ZNF217: variants seen among roughly 807,000 people sequenced by gnomAD.
ZNF217 encodes zinc finger protein 217.
A neutral mutation model predicts 73.3 loss-of-function variants in ZNF217; 12 were observed. The observed-to-expected ratio is 0.16, with a 90% CI of 0.10 to 0.27. ZNF217 has a LOEUF of 0.27. Ranked by LOEUF, ZNF217 falls within the 10% of genes least tolerant of loss-of-function variation. ZNF217 has a pLI of 1.00. For synonymous variants in ZNF217, 588 were observed against 516.4 expected, an observed-to-expected ratio of 1.14 and a Z score of -1.88; for missense variants, 1,195 against 1,327.8, an observed-to-expected ratio of 0.90 and a Z score of 1.55.
chr20:53,582,003 G>A lies in ZNF217; in HGVS notation c.824C>T (p.Ser275Phe). 6.2e-7 allele frequency: 1 copy of A among 1,614,228 alleles called. No homozygotes were observed. The highest frequency in any genetic ancestry group is 1.1e-5 in the South Asian group (1 of 91,088). ...FLQLFNLRPK[S>F]HPETGKKPVR... ...AGGCTTCTTCCCCGTTTCAGGGTGA[G>A]ATTTTGGTCTCAAGTTGAACAACTG... Residue 275 changes from serine to phenylalanine, a missense_variant, in exon 2 of 6, where the codon TCT (serine) becomes TTT (phenylalanine). Physicochemically the swap from Ser to Phe is radical, Grantham distance 155. Around this residue, in one of 9 missense-constraint regions of ZNF217, gnomAD observed 126 missense variants for 114.4 expected, o/e 1.10. Transcript: ENST00000371471. The surrounding 1 kb of genome is among the most constrained non-coding windows in gnomAD (Gnocchi z 4.8).
At chr20:53,587,383 C>T (rs1413531629) in intron 1 of ZNF217, among the ~76,000 whole-genome samples, 1 of 152,214 alleles carries the variant, frequency 6.6e-6, no homozygotes, top group Non-Finnish European at 1.5e-5. Flanking sequence ...TTAAGTACAA[C>T]TAACTAGGTA....
At chr20:53,592,671 G>A (rs1353020213) in intron 1 of ZNF217, among the ~76,000 whole-genome samples, 3 of 151,734 alleles carry the variant, frequency 2.0e-5, no homozygotes, top group Non-Finnish European at 4.4e-5. Context: ...CCTCGGGCGG[G>A]ACCGCCCAGG....
At chr20:53,593,390 C>A (rs1004354583) in intron 1 of ZNF217, among the ~76,000 whole-genome samples, 6 of 152,080 alleles carry the variant, frequency 3.9e-5, no homozygotes, top group Admixed American at 3.3e-4. Context: ...AATTGGGAGA[C>A]CCGCCCCGCG....
In ZNF217 at chr20:53,582,440, G is replaced by A. The variant is rs35267451; in HGVS notation, c.387C>T (p.Ser129=). ...KEKNCKENEF[S]CEVCGQTFRV... is the part of the protein sequence containing the mutation. Reference sequence around the variant, plus strand: ...TAAATGTCTGCCCACATACCTCACAGCTAAATTCATTTTCCTTGCAATTCT... The same window carrying A: ...TAAATGTCTGCCCACATACCTCACAACTAAATTCATTTTCCTTGCAATTCT... Residue 129 remains serine, a synonymous_variant, in exon 2 of 6, where the codon AGC becomes AGT. Transcript: ENST00000371471. This position sits in a 1 kb window ranked among gnomAD's most constrained non-coding sequence, Gnocchi z 4.8. The A allele has an allele frequency of 8.8e-3, 14,258 of 1,614,178 alleles. 95 individuals are homozygous for A. Among genetic ancestry groups the A allele is most frequent in the Middle Eastern group, 0.014 (86 of 6,062 alleles).
chr20:53,594,949 A>C (rs913926539), upstream of ZNF217, among the ~76,000 whole-genome samples: 19 of 147,318 alleles, frequency 1.3e-4, no homozygotes, highest in Admixed American at 1.3e-3. Flanking sequence ...GGCTTGCGCT[A>C]TTCTAACTTG....
chr20:53,581,801 T>A lies in ZNF217; in HGVS notation c.1026A>T (p.Ala342=), dbSNP rs16998248. The A allele has an allele frequency of 0.067, 108,167 of 1,614,198 alleles. 7,763 individuals carry two copies. Among genetic ancestry groups the A allele is most frequent in the East Asian group, 0.34 (15,084 of 44,874 alleles). ...ELGETNKGSC[A]GLSQEKEKCK... Reference sequence around the variant, plus strand: ...ACTTCTCTTTCTCTTGCGAGAGGCCTGCACAACTGCCCTTATTTGTTTCTC... The same window carrying A: ...ACTTCTCTTTCTCTTGCGAGAGGCCAGCACAACTGCCCTTATTTGTTTCTC... The change falls in exon 2 of 6, where the codon GCA becomes GCT. Residue 342 remains alanine, a synonymous_variant. Coordinates refer to ENST00000371471, the MANE Select transcript of ZNF217 (RefSeq NM_006526.3). This position sits in a 1 kb window ranked among gnomAD's most constrained non-coding sequence, Gnocchi z 4.9.
Position 53,581,839 on chromosome 20 carries a change from C to T in ZNF217, c.988G>A (p.Glu330Lys). 1.2e-6 allele frequency: 2 copies of T among 1,614,244 alleles called. No individual in the cohort carries two copies. The highest frequency in any genetic ancestry group is 1.7e-6 in the Non-Finnish European group (2 of 1,180,042). The change falls in exon 2 of 6, where the codon GAG becomes AAG. Residue 330 changes from glutamate to lysine, a missense_variant. Glu to Lys is a moderately conservative substitution (Grantham distance 56). Coordinates refer to ENST00000371471, the MANE Select transcript of ZNF217 (RefSeq NM_006526.3). This position sits in a 1 kb window ranked among gnomAD's most constrained non-coding sequence, Gnocchi z 4.9. ...GSTDNDDSSS[E>K]KELGETNKGS... ...TTATTTGTTTCTCCAAGCTCCTTCT[C>T]GGAACTCGAATCGTCGTTGTCGGTG...
rs1302888348 is a variant in ZNF217 at position 53,575,608 on chromosome 20, A to G, written c.3037+119T>C. The G allele has an allele frequency of 1.2e-5, 12 of 974,956 alleles. No homozygotes were observed. In the East Asian group the frequency reaches 2.9e-4, roughly 24 times the overall value. The allele number at this position is 974,956 out of a possible 1,614,324, so 60.4% of individuals were successfully genotyped here. A position where few individuals can be genotyped will look rare whatever the true frequency, so the allele number is the denominator to read the frequency against. ...AGAATGCTTCTCTCTGTGACCCCCA[A>G]GAACTTCTGGCTGCCTACCCCCCAC... On this transcript the variant is annotated intron_variant, in intron 4 of 5. Transcript: ENST00000371471.
chr20:53,590,047 G>A, intron 1 of ZNF217, among the ~76,000 whole-genome samples: 1 of 151,958 alleles, frequency 6.6e-6, no homozygotes, highest in Non-Finnish European at 1.5e-5. Context: ...CATGTTGGTA[G>A]CTGTTCTGTA....
At chr20:53,579,404 TAA>T (rs1471009865) in intron 2 of ZNF217, among the ~76,000 whole-genome samples, 1 of 152,210 alleles carries the variant, frequency 6.6e-6, no homozygotes, top group Non-Finnish European at 1.5e-5. Context: ...TTGATCTTCT[TAA>T]GTCTTAAAAA....
chr20:53,578,077 A>AC (rs1332654098), intron 3 of ZNF217, among the ~76,000 whole-genome samples: 1 of 152,160 alleles, frequency 6.6e-6, no homozygotes, highest in Non-Finnish European at 1.5e-5. Context: ...GCACCACTGC[A>AC]CTCCAGCCGA....
upstream of ZNF217, among the ~76,000 whole-genome samples, chr20:53,594,285 GC>G (rs1988995978): frequency 6.6e-6 from 1 of 151,380 alleles, no homozygotes; most frequent in African/African-American, 2.4e-5. Flanking sequence ...AGCAGCTGTT[GC>G]GCCCTCCCTC....
Position 53,582,602 on chromosome 20 carries a change from T to C in ZNF217, c.225A>G (p.Thr75=). The change falls in exon 2 of 6, where the codon ACA becomes ACG. Residue 75 remains threonine (T), a synonymous_variant. Transcript: ENST00000371471. The surrounding 1 kb of genome is among the most constrained non-coding windows in gnomAD (Gnocchi z 4.8). ...CATGTTTATTAAGGTCTTCTGAATG[T>C]GTGAAGGTCTGGCTGCAGAACATGC... ...LDCMFCSQTF[T]HSEDLNKHVL... is the part of the protein sequence containing the mutation. 1.2e-6 allele frequency: 2 copies of C among 1,614,172 alleles called. No individual in the cohort carries two copies. The highest frequency in any genetic ancestry group is 1.7e-6 in the Non-Finnish European group (2 of 1,180,026).
chr20:53,575,239 TG>T (rs1303498481), intron 4 of ZNF217: 1 of 152,626 alleles, frequency 6.6e-6, no homozygotes, highest in African/African-American at 2.4e-5. Flanking sequence ...CTAAGATACT[TG>T]GGAGGTCAAC....
intron 2 of ZNF217, among the ~76,000 whole-genome samples, chr20:53,580,037 C>T (rs1450003991): frequency 6.6e-6 from 1 of 152,252 alleles, no homozygotes; most frequent in Non-Finnish European, 1.5e-5. Context: ...AGTACCGGCA[C>T]TAGCAGAAAC....
rs774241339 is a variant in ZNF217, at chr20:53,575,712, C to T, written c.3037+15G>A. ...TGTAGGCAGCCATTTAAACACGACG[C>T]CCCTCATGCAATACCTTCTAACGTC... On this transcript the variant is annotated intron_variant, in intron 4 of 5. Transcript: ENST00000371471. The T allele has an allele frequency of 1.9e-6, 3 of 1,543,866 alleles. No individual in the cohort carries two copies. The highest frequency in any genetic ancestry group is 4.5e-5 in the East Asian group (2 of 44,364).
intron 4 of ZNF217, chr20:53,572,770 T>C (rs915686028): frequency 2.6e-5 from 4 of 152,162 alleles, no homozygotes; most frequent in African/African-American, 9.7e-5. Flanking sequence ...AGAGCTTCTA[T>C]GTGATAAAGG....
At chr20:53,571,607 A>G in intron 5 of ZNF217, 114 bp downstream of exon 5, 2 of 1,317,830 alleles carry the variant, frequency 1.5e-6, no homozygotes, top group South Asian at 3.2e-5. Context: ...GGGTTTCACC[A>G]TGTTGGCCAA....
Sources: allele counts gnomAD v4.1 joint callset (sites outside exome capture counted in the v4.1 genomes callset), GRCh38; gene constraint gnomAD v4.1.1; regional missense constraint gnomAD v4.1.1; non-coding constraint Gnocchi (gnomAD v3.1); transcripts MANE v1.5; gene names NCBI Gene and HGNC (gene_info 2026-07-23, HGNC 2026-07-21).